The following PEX1 variants were observed in gnomAD, a reference collection of about 807,000 sequenced individuals.
The protein encoded by PEX1 is peroxisomal biogenesis factor 1.
In PEX1, 97 loss-of-function variants were observed where a neutral mutation model predicts 152.5. The observed-to-expected ratio is 0.64, with a 90% CI of 0.54 to 0.75. PEX1 has a LOEUF of 0.75. Ranked by LOEUF, PEX1 falls within the 30% of genes least tolerant of loss-of-function variation. The pLI is 0.00. For missense variants in PEX1, 1,357 were observed against 1,516.3 expected, an observed-to-expected ratio of 0.89 and a Z score of 1.74; for synonymous variants, 485 against 531.6, an observed-to-expected ratio of 0.91 and a Z score of 1.21.
In PEX1 at chr7:92,489,278, G is replaced by C; in HGVS notation, c.3767+15C>G. On this transcript the variant is annotated intron_variant, in intron 23 of 23. Coordinates refer to ENST00000248633, the MANE Select transcript of PEX1 (RefSeq NM_000466.3). ...TAATAGTAGCTGTACTTCCAAAACA[G>C]AATCTGTTACTTACAGCTCAGCAAA... 1 of 1,610,340 alleles carries C rather than the reference G, an allele frequency of 6.2e-7. No homozygotes were observed. The highest frequency in any genetic ancestry group is 8.5e-7 in the Non-Finnish European group (1 of 1,176,904).
At chr7:92,521,649 C>G (rs569115953) in intron 2 of PEX1, among the ~76,000 whole-genome samples, 1 of 152,076 alleles carries the variant, frequency 6.6e-6, no homozygotes, top group African/African-American at 2.4e-5. Context: ...GTTGGGCAGG[C>G]TGGTCTCCAA....
chr7:92,501,545 T>C lies in PEX1; in HGVS notation c.2545A>G (p.Arg849Gly). 6.2e-7 allele frequency: 1 copy of C among 1,613,932 alleles called. No homozygotes were observed. Among genetic ancestry groups the C allele is most frequent in the South Asian group, 1.1e-5 (1 of 91,070 alleles). Residue 849 changes from arginine (R) to glycine (G), a missense_variant, in exon 15 of 24, where the codon AGG becomes GGG. Arg to Gly is a moderately radical substitution (Grantham distance 125). Coordinates refer to ENST00000248633, the MANE Select transcript of PEX1 (RefSeq NM_000466.3). ...WDKIGGLHEV[R>G]QILMDTIQLP... ...TGGATAGTATCCATGAGTATCTGCC[T>C]AACTTCATGTAACCCACCAATCTTG...
chr7:92,508,847 A>T (rs1313659104), intron 9 of PEX1, among the ~76,000 whole-genome samples: 1 of 152,210 alleles, frequency 6.6e-6, no homozygotes, highest in South Asian at 2.1e-4. Context: ...AGAAAAACAC[A>T]AATAATCCAA....
chr7:92,527,409 A>G (rs1793326107), intron 1 of PEX1, among the ~76,000 whole-genome samples: 1 of 152,222 alleles, frequency 6.6e-6, no homozygotes, highest in Non-Finnish European at 1.5e-5. Context: ...ACTTAGTGGT[A>G]AAAAATAATA....
rs545941534 is a variant in PEX1, at chr7:92,489,860, C to T, written c.3490G>A (p.Val1164Ile). 3.4e-5 allele frequency: 55 copies of T among 1,614,016 alleles called. No individual in the cohort carries two copies. The South Asian group carries it at 5.4e-4, about 16-fold the overall frequency. Residue 1164 changes from valine (V) to isoleucine (I), a missense_variant, in exon 22 of 24, where the codon GTT becomes ATT. Coordinates refer to ENST00000248633, the MANE Select transcript of PEX1 (RefSeq NM_000466.3). ...PSSMTQDLPG[V>I]PGKDQLFSQP... is the part of the protein sequence containing the mutation. ...GAAAACAACTGGTCTTTCCCAGGAACTCCAGGCAAATCCTGAGTCATGGAG... is the reference window on the plus strand; with the variant it reads ...GAAAACAACTGGTCTTTCCCAGGAATTCCAGGCAAATCCTGAGTCATGGAG...
rs1791534087 is a variant in PEX1, at chr7:92,494,383, C to A, written c.2940G>T (p.Leu980Phe). 6.2e-7 allele frequency: 1 copy of A among 1,613,918 alleles called. No homozygotes were observed. The highest frequency in any genetic ancestry group is 8.5e-7 in the Non-Finnish European group (1 of 1,179,926). ...TCAAGTCAGGGCGACTAGTAGCAGC[C>A]AATACATAAACACCTAGAGGAAAAA... Reference protein sequence around the residue: ...GVEGLQGVYVLAATSRPDLID... With the variant: ...GVEGLQGVYVFAATSRPDLID... The change falls in exon 19 of 24, where the codon TTG becomes TTT. Residue 980 changes from leucine (L) to phenylalanine (F), a missense_variant. Physicochemically the swap from Leu to Phe is conservative, Grantham distance 22. Coordinates refer to ENST00000248633, the MANE Select transcript of PEX1 (RefSeq NM_000466.3).
rs796136811 is a variant in PEX1 at position 92,494,303 on chromosome 7, G to A, written c.3020C>T (p.Pro1007Leu). Reference protein sequence around the residue: ...GRLDKCVYCPPPDQVSRLEIL... With the variant: ...GRLDKCVYCPLPDQVSRLEIL... ...ATATGAAATTGTCACCTGATCAGGA[G>A]GAGGACAGTATACACATTTATCTAG... The change falls in exon 19 of 24, where the codon CCT becomes CTT. Residue 1007 changes from proline (P) to leucine (L), a missense_variant. Physicochemically the swap from Pro to Leu is moderately conservative, Grantham distance 98. Transcript: ENST00000248633. 6.2e-7 allele frequency: 1 copy of A among 1,612,152 alleles called. No individual in the cohort carries two copies. The highest frequency in any genetic ancestry group is 8.5e-7 in the Non-Finnish European group (1 of 1,178,396).
chr7:92,496,668 T>C, intron 17 of PEX1, 45 bp downstream of exon 17: 1 of 1,242,942 alleles, frequency 8.0e-7, no homozygotes. Flanking sequence ...GATTGATAAA[T>C]AATAACAGAG....
chr7:92,487,403 A>G lies in PEX1; in HGVS notation c.*54T>C. 1.1e-6 allele frequency: 1 copy of G among 916,872 alleles called. No individual in the cohort carries two copies. The allele number at this position is 916,872 out of a possible 1,614,324, so 56.8% of individuals were successfully genotyped here. ...GACACCATTTTTTTCCTGTTACAAC[A>G]TATGGAAAAGCCATCAAAAAACTTA... On this transcript the variant is annotated 3_prime_UTR_variant, in exon 24 of 24. Transcript: ENST00000248633.
chr7:92,516,427 G>A (rs1334521546), intron 5 of PEX1, among the ~76,000 whole-genome samples: 2 of 149,874 alleles, frequency 1.3e-5, no homozygotes, highest in African/African-American at 2.5e-5. Context: ...ACTCCATCTT[G>A]TGGAAAAAAA....
chr7:92,487,403 A>T lies in PEX1; in HGVS notation c.*54T>A. ...GACACCATTTTTTTCCTGTTACAAC[A>T]TATGGAAAAGCCATCAAAAAACTTA... On this transcript the variant is annotated 3_prime_UTR_variant, in exon 24 of 24. Transcript: ENST00000248633. The T allele has an allele frequency of 1.1e-6, 1 of 916,872 alleles. No homozygotes were observed. Among genetic ancestry groups the T allele is most frequent in the Non-Finnish European group, 1.8e-6 (1 of 566,406 alleles). 56.8% of individuals were successfully genotyped at this position (916,872 alleles called of 1,614,324 possible). A position where few individuals can be genotyped will look rare whatever the true frequency, so the allele number is the denominator to read the frequency against.
intron 1 of PEX1, 59 bp downstream of exon 1, chr7:92,528,248 G>T: frequency 6.5e-7 from 1 of 1,541,896 alleles, no homozygotes; most frequent in South Asian, 1.2e-5. Flanking sequence ...GTCCCTGAGA[G>T]GCTTCGGCCT....
At chr7:92,522,299 T>C in intron 1 of PEX1, 54 bp from the exon 2 acceptor site, 1 of 1,553,230 alleles carries the variant, frequency 6.4e-7, no homozygotes, top group South Asian at 1.1e-5. Context: ...TTTTTCTGGA[T>C]TCACATGAAA....
Position 92,487,261 on chromosome 7 carries a change from A to G in PEX1, c.*196T>C. ...GAAATAAAATATGGAATCTGTTATA[A>G]TGTCCCAATTTATACTACAGTATTA... On this transcript the variant is annotated 3_prime_UTR_variant, in exon 24 of 24. Transcript: ENST00000248633. 2 of 372,094 alleles carry G rather than the reference A, an allele frequency of 5.4e-6. No homozygotes were observed. The highest frequency in any genetic ancestry group is 4.8e-6 in the Non-Finnish European group (1 of 208,730). 23.0% of individuals were successfully genotyped at this position (372,094 alleles called of 1,614,324 possible). A position where few individuals can be genotyped will look rare whatever the true frequency, so the allele number is the denominator to read the frequency against.
intron 8 of PEX1, 117 bp from the exon 9 acceptor site, chr7:92,509,528 A>T (rs991429508): frequency 1.4e-6 from 1 of 701,988 alleles, no homozygotes; most frequent in Non-Finnish European, 2.6e-6. Context: ...TAAATTATGC[A>T]TGCAAGATCA....
In PEX1 at chr7:92,489,770, C is replaced by A; in HGVS notation, c.3580G>T (p.Asp1194Tyr). ...ATACTGATATCTGCCCTCAGTTGATCTCTTTGTTCTTGTGTAAGTTCTTGG... is the reference window on the plus strand; with the variant it reads ...ATACTGATATCTGCCCTCAGTTGATATCTTTGTTCTTGTGTAAGTTCTTGG... ...GCQELTQEQR[D>Y]QLRADISIIK... Residue 1194 changes from aspartate to tyrosine, a missense_variant, in exon 22 of 24, where the codon GAT becomes TAT. By Grantham distance (160) the Asp-to-Tyr change is radical. Transcript: ENST00000248633. 6.2e-7 allele frequency: 1 copy of A among 1,614,134 alleles called. No individual in the cohort carries two copies. The highest frequency in any genetic ancestry group is 8.5e-7 in the Non-Finnish European group (1 of 1,180,026).
chr7:92,506,232 G>A lies in PEX1; in HGVS notation c.1900+16C>T. Reference sequence around the variant, plus strand: ...AATGAAAAAGGGATTTATATAGAGTGTTACCATACTCATACCTCGTAAAGC... The same window carrying A: ...AATGAAAAAGGGATTTATATAGAGTATTACCATACTCATACCTCGTAAAGC... On this transcript the variant is annotated intron_variant, in intron 11 of 23. Coordinates refer to ENST00000248633, the MANE Select transcript of PEX1 (RefSeq NM_000466.3). 1 of 1,354,768 alleles carries A rather than the reference G, an allele frequency of 7.4e-7. No individual in the cohort carries two copies. Among genetic ancestry groups the A allele is most frequent in the Non-Finnish European group, 1.1e-6 (1 of 943,528 alleles). 83.9% of individuals were successfully genotyped at this position (1,354,768 alleles called of 1,614,324 possible). A position where few individuals can be genotyped will look rare whatever the true frequency, so the allele number is the denominator to read the frequency against.
At chr7:92,499,379 G>A (rs1337832312) in intron 16 of PEX1, among the ~76,000 whole-genome samples, 1 of 152,176 alleles carries the variant, frequency 6.6e-6, no homozygotes, top group Non-Finnish European at 1.5e-5. Flanking sequence ...AAGGAATGAA[G>A]TACTGATACA....
Position 92,528,377 on chromosome 7 carries a change from G to T in PEX1, c.59C>A (p.Ala20Asp), listed in dbSNP as rs1793400065. ...AGGGGAAVTV[A>D]FTNARDCFLH... ...GAAGCAGTCGCGAGCGTTGGTGAAG[G>T]CCACAGTCACTGCCGCCCCGCCTCC... The change falls in exon 1 of 24, where the codon GCC becomes GAC. Residue 20 changes from alanine to aspartate, a missense_variant. By Grantham distance (126) the Ala-to-Asp change is moderately radical. Transcript: ENST00000248633. 2 of 1,592,426 alleles carry T rather than the reference G, an allele frequency of 1.3e-6. No homozygotes were observed.
Sources: gnomAD v4.1 joint callset for allele counts (sites outside exome capture counted in the v4.1 genomes callset) on GRCh38, gnomAD v4.1.1 for gene constraint, MANE v1.5 for transcripts, NCBI Gene and HGNC (gene_info 2026-07-23, HGNC 2026-07-21) for gene names.